Variants in TMEM181 observed in about 807,000 individuals in gnomAD.
TMEM181 encodes G protein-coupled receptor 178.
Under a neutral mutation model 71.9 loss-of-function variants are expected in TMEM181, and 39 were observed. The observed-to-expected ratio is 0.54, with a 90% CI of 0.42 to 0.71. The LOEUF is 0.71. Ranked by LOEUF, TMEM181 falls within the 30% of genes least tolerant of loss-of-function variation. The probability of loss-of-function intolerance (pLI) is 0.00; values close to 1 mark genes in which losing one functional copy is unlikely to be tolerated. For missense variants in TMEM181, 595 were observed against 583.0 expected (o/e 1.02, Z -0.21); for synonymous variants, 245 against 228.8 (o/e 1.07, Z -0.64).
chr6:158,547,599 A>G (rs1437544436), intron 1 of TMEM181, among the ~76,000 whole-genome samples: 1 of 152,186 alleles, frequency 6.6e-6, no homozygotes, highest in Non-Finnish European at 1.5e-5. Context: ...CTGGGGCCTC[A>G]GCGAAGCCCT....
intron 15 of TMEM181, among the ~76,000 whole-genome samples, chr6:158,630,423 G>C (rs757288543): frequency 6.6e-6 from 1 of 152,054 alleles, no homozygotes; most frequent in Non-Finnish European, 1.5e-5. Context: ...TTGAGCCCAA[G>C]AGGAGAGGCT....
intron 10 of TMEM181, among the ~76,000 whole-genome samples, chr6:158,613,053 ATTTC>A (rs577062999): frequency 3.4e-3 from 518 of 152,244 alleles, no homozygotes; most frequent in African/African-American, 0.012. Flanking sequence ...AAGATTTCTT[ATTTC>A]TTTACATTGA....
At chr6:158,553,905 A>G (rs1045680331) in intron 1 of TMEM181, among the ~76,000 whole-genome samples, 1 of 151,762 alleles carries the variant, frequency 6.6e-6, no homozygotes, top group Non-Finnish European at 1.5e-5. Flanking sequence ...ATGCTGTTTC[A>G]TTATTTTTAT....
intron 10 of TMEM181, among the ~76,000 whole-genome samples, chr6:158,619,039 C>T (rs538378202): frequency 3.9e-4 from 60 of 152,290 alleles, no homozygotes; most frequent in African/African-American, 1.3e-3. Flanking sequence ...GCTGGCCTGC[C>T]TTGCTAGGTT....
chr6:158,587,789 G>A (rs745547315), intron 5 of TMEM181, among the ~76,000 whole-genome samples: 50 of 152,216 alleles, frequency 3.3e-4, no homozygotes, highest in Non-Finnish European at 6.2e-4. Context: ...TTGGGATGCC[G>A]GAACCGCTGG....
At chr6:158,601,346 C>T (rs1424484137) in intron 6 of TMEM181, among the ~76,000 whole-genome samples, 3 of 151,682 alleles carry the variant, frequency 2.0e-5, no homozygotes, top group Admixed American at 6.6e-5. Context: ...ATCAGGAGTT[C>T]GGGACCAGCC....
intron 13 of TMEM181, among the ~76,000 whole-genome samples, chr6:158,626,934 TCTCACCCTCACC>T (rs55927745): frequency 9.9e-5 from 8 of 81,066 alleles, no homozygotes; most frequent in Middle Eastern, 7.9e-3. Context: ...TCACCCTCAT[TCTCACCCTCACC>T]CTCACCCTCA....
chr6:158,629,751 A>G lies in TMEM181; in HGVS notation c.1214A>G (p.Tyr405Cys), dbSNP rs1183926108. Residue 405 changes from tyrosine to cysteine, a missense_variant, in exon 15 of 17, where the codon TAT (tyrosine) becomes TGT (cysteine). Coordinates refer to ENST00000684151, the MANE Select transcript of TMEM181 (RefSeq NM_001376852.1). The stretch of plus-strand genomic sequence containing the variant: ...CCACCAGCCGAGTTCTTATCTTTCT[A>G]TGGCCTGTTGAACTTCTATCTCTAC... ...YQNSAEFLSF[Y>C]GLLNFYLYTL... 1.2e-6 allele frequency: 2 copies of G among 1,612,004 alleles called. No homozygotes were observed. The highest frequency in any genetic ancestry group is 1.7e-6 in the Non-Finnish European group (2 of 1,179,224).
intron 1 of TMEM181, among the ~76,000 whole-genome samples, chr6:158,551,631 A>G (rs1275581228): frequency 6.6e-6 from 1 of 152,200 alleles, no homozygotes; most frequent in Non-Finnish European, 1.5e-5. Flanking sequence ...GCATCACATC[A>G]GGACCATTCG....
intron 1 of TMEM181, among the ~76,000 whole-genome samples, chr6:158,538,563 G>T (rs1192531882): frequency 1.3e-5 from 2 of 152,074 alleles, no homozygotes; most frequent in African/African-American, 4.8e-5. Flanking sequence ...ACACACCCCA[G>T]TGGTTAATCT....
intron 2 of TMEM181, 100 bp from the exon 3 acceptor site, chr6:158,580,840 A>T: frequency 1.9e-6 from 2 of 1,054,328 alleles, no homozygotes. Flanking sequence ...AATTAAGGTC[A>T]TCTCCGTGTA....
At position 158,631,824 on chromosome 6, in the gene TMEM181, A is replaced by G; in HGVS notation, c.1364A>G (p.Glu455Gly). The change falls in exon 17 of 17, where the codon GAA becomes GGA. Residue 455 changes from glutamate (E) to glycine (G), a missense_variant. Transcript: ENST00000684151. ...TTTGCTCACAGGAGTGACTATGAGG[A>G]AATGCCGCTGCAGAACGGCCAGGCC... ...DDVIYGSDYE[E>G]MPLQNGQAIR... 6.2e-7 allele frequency: 1 copy of G among 1,600,430 alleles called. No individual in the cohort carries two copies. Among genetic ancestry groups the G allele is most frequent in the East Asian group, 2.3e-5 (1 of 44,416 alleles).
At chr6:158,584,745 A>T (rs1450636758) in intron 4 of TMEM181, among the ~76,000 whole-genome samples, 1 of 152,206 alleles carries the variant, frequency 6.6e-6, no homozygotes. Flanking sequence ...ATTACGAAAA[A>T]ATTATCCCCT....
At chr6:158,570,137 G>A (rs767510192) in intron 1 of TMEM181, among the ~76,000 whole-genome samples, 2 of 151,966 alleles carry the variant, frequency 1.3e-5, no homozygotes, top group African/African-American at 2.4e-5. Context: ...CTCCGAGAAC[G>A]TTGTAGTGGA....
chr6:158,602,529 C>G (rs1373333005), intron 6 of TMEM181, among the ~76,000 whole-genome samples: 1 of 152,106 alleles, frequency 6.6e-6, no homozygotes, highest in African/African-American at 2.4e-5. Context: ...CGTCAATGCT[C>G]GGTACGGTCA....
chr6:158,572,567 T>C (rs1278233849), intron 1 of TMEM181: 8 of 439,700 alleles, frequency 1.8e-5, no homozygotes, highest in African/African-American at 8.0e-5. Context: ...CGTCCTGTGC[T>C]GCTCAGAGAA....
chr6:158,628,228 C>CTGTG (rs141387062), intron 13 of TMEM181, 180 bp from the exon 14 acceptor site: 2 of 693,060 alleles, frequency 2.9e-6, no homozygotes, highest in Non-Finnish European at 2.6e-6. Flanking sequence ...GAAGCAGGGG[C>CTGTG]TGTGTGTGTG....
chr6:158,619,281 G>A (rs9347246), intron 10 of TMEM181, among the ~76,000 whole-genome samples: 45,102 of 152,022 alleles, frequency 0.3, 7,232 homozygotes, highest in East Asian at 0.66. Flanking sequence ...CCACTTGATC[G>A]AATCGGCTAC....
chr6:158,572,455 C>T (rs140134665), intron 1 of TMEM181: 15 of 456,704 alleles, frequency 3.3e-5, no homozygotes, highest in Admixed American at 7.0e-5. Flanking sequence ...CAGACAGCGC[C>T]GCACGTCCCT....
Sources: gnomAD v4.1 joint callset for allele counts (sites outside exome capture counted in the v4.1 genomes callset) on GRCh38, gnomAD v4.1.1 for gene constraint, MANE v1.5 for transcripts, NCBI Gene and HGNC (gene_info 2026-07-23, HGNC 2026-07-21) for gene names.